Variants in NBEA observed in about 807,000 individuals in gnomAD.
NBEA encodes neurobeachin.
Under a neutral mutation model 343.4 loss-of-function variants are expected in NBEA, and 44 were observed. That is an observed-to-expected ratio of 0.13 (90% CI 0.10 to 0.16). The LOEUF (loss-of-function observed/expected upper bound fraction) is 0.16. NBEA is among the 10% of genes least tolerant of loss of function. The probability of loss-of-function intolerance (pLI) is 1.00; values close to 1 mark genes in which losing one functional copy is unlikely to be tolerated. For missense variants in NBEA, 2,555 were observed against 3,631.3 expected (o/e 0.70, Z 7.62); for synonymous variants, 1,175 against 1,238.7 (o/e 0.95, Z 1.08).
chr13:35,472,531 A>G lies in NBEA; in HGVS notation c.6580A>G (p.Thr2194Ala), dbSNP rs977204744. The G allele has an allele frequency of 3.1e-6, 5 of 1,613,920 alleles. No homozygotes were observed. Among genetic ancestry groups the G allele is most frequent in the African/African-American group, 1.3e-5 (1 of 74,924 alleles). Reference protein sequence around the residue: ...EDDSAFKKIDTKVLAYTEGLH... With the variant: ...EDDSAFKKIDAKVLAYTEGLH... Reference sequence around the variant, plus strand: ...TGATTCTGCCTTCAAGAAGATCGACACGAAAGTGAGTTAAAGCGATTCCAT... The same window carrying G: ...TGATTCTGCCTTCAAGAAGATCGACGCGAAAGTGAGTTAAAGCGATTCCAT... Residue 2194 changes from threonine to alanine, a missense_variant, in exon 41 of 59, where the codon ACG becomes GCG. Thr to Ala is a moderately conservative substitution (Grantham distance 58, BLOSUM62 0). Around this residue, in one of 21 missense-constraint regions of NBEA, gnomAD observed 246 missense variants for 313.7 expected, o/e 0.78. Transcript: ENST00000379939.
chr13:35,092,285 A>G (rs560858904), intron 10 of NBEA, among the ~76,000 whole-genome samples: 31 of 152,152 alleles, frequency 2.0e-4, no homozygotes, highest in African/African-American at 7.0e-4. Context: ...TGGGAAACGT[A>G]TAAGGAAATT....
intron 30 of NBEA, chr13:35,185,607 T>A (rs1027023730): frequency 6.6e-6 from 1 of 152,142 alleles, no homozygotes; most frequent in Non-Finnish European, 1.5e-5. Flanking sequence ...CTATGGGAAG[T>A]ATCCGGTTGT....
chr13:35,279,246 G>A (rs1387273127), intron 34 of NBEA, among the ~76,000 whole-genome samples: 2 of 152,282 alleles, frequency 1.3e-5, no homozygotes, highest in East Asian at 3.9e-4. Flanking sequence ...ACAGGATCAT[G>A]ATATGAAATG....
At chr13:35,177,937 A>G (rs1170546727) in intron 28 of NBEA, among the ~76,000 whole-genome samples, 1 of 151,762 alleles carries the variant, frequency 6.6e-6, no homozygotes, top group Non-Finnish European at 1.5e-5. Flanking sequence ...ACATAATGCT[A>G]TATGTTAGGA....
intron 55 of NBEA, among the ~76,000 whole-genome samples, chr13:35,657,382 G>T (rs1280838122): frequency 6.6e-6 from 1 of 152,198 alleles, no homozygotes; most frequent in Non-Finnish European, 1.5e-5. Flanking sequence ...AATGTTGCTT[G>T]ATTTCCAACC....
At chr13:35,082,534 A>G (rs1418526712) in intron 10 of NBEA, among the ~76,000 whole-genome samples, 15 of 152,230 alleles carry the variant, frequency 9.9e-5, no homozygotes. Flanking sequence ...AGTCCCACCA[A>G]CAGTGTAAAA....
At chr13:35,176,442 T>G (rs2070907805) in intron 27 of NBEA, among the ~76,000 whole-genome samples, 2 of 152,096 alleles carry the variant, frequency 1.3e-5, no homozygotes, top group South Asian at 4.1e-4. Flanking sequence ...TGTGACTACA[T>G]TACCTGAAAT....
intron 34 of NBEA, among the ~76,000 whole-genome samples, chr13:35,256,609 G>C (rs530305069): frequency 6.6e-6 from 1 of 152,124 alleles, no homozygotes; most frequent in South Asian, 2.1e-4. Context: ...GCCGAGGGGC[G>C]CCTGCAGGCT....
rs566854228 is a variant in NBEA at position 35,656,454 on chromosome 13, G to A, written c.8362+705G>A. Reference sequence around the variant, plus strand: ...AAATTTGTTGATGCTTGTTTAATCCGCAGCCTCTCAAACTTCTTTTTCCAA... The same window carrying A: ...AAATTTGTTGATGCTTGTTTAATCCACAGCCTCTCAAACTTCTTTTTCCAA... On this transcript the variant is annotated intron_variant, in intron 55 of 58. Transcript: ENST00000379939. Among the ~76,000 whole-genome samples, 9 of 152,214 alleles carry A rather than the reference G, an allele frequency of 5.9e-5. No individual in the cohort carries two copies. In the South Asian group the frequency reaches 1.0e-3, roughly 18 times the overall value.
At chr13:35,308,647 T>C (rs2037151805) in intron 35 of NBEA, among the ~76,000 whole-genome samples, 1 of 144,260 alleles carries the variant, frequency 6.9e-6, no homozygotes, top group Admixed American at 7.1e-5. Context: ...TATATATATG[T>C]ATTTAAAACC....
chr13:35,110,131 G>C (rs1452173096), intron 12 of NBEA, among the ~76,000 whole-genome samples: 5 of 138,398 alleles, frequency 3.6e-5, no homozygotes, highest in Non-Finnish European at 1.5e-5. Context: ...ATGTATACAT[G>C]TGCCATGCTG....
At position 35,298,187 on chromosome 13, in the gene NBEA, ATG is replaced by A. The variant is rs1216541038; in HGVS notation, c.5838+7761_5838+7762del. 2.1e-3 allele frequency among the ~76,000 whole-genome samples: 246 copies of A among 115,102 alleles called. 6 individuals carry two copies. The highest frequency in any genetic ancestry group is 3.9e-3 in the East Asian group (16 of 4,060). 75.5% of individuals were successfully genotyped at this position (115,102 alleles called of 152,430 possible). A position where few individuals can be genotyped will look rare whatever the true frequency, so the allele number is the denominator to read the frequency against. ...ATACATAGCCAGTGTGTGTGTGTGT[ATG>A]TGTGTGTGTGTGTGTGTGTGTGTAT... On this transcript the variant is annotated intron_variant, in intron 35 of 58. Coordinates refer to ENST00000379939, the MANE Select transcript of NBEA (RefSeq NM_001385012.1).
intron 38 of NBEA, among the ~76,000 whole-genome samples, chr13:35,365,927 A>G (rs1447661197): frequency 6.6e-6 from 1 of 151,574 alleles, no homozygotes; most frequent in Non-Finnish European, 1.5e-5. Context: ...ATTTTCTGAT[A>G]TTTGTGCTCA....
chr13:35,263,348 G>A (rs2033379464), intron 34 of NBEA, among the ~76,000 whole-genome samples: 1 of 152,150 alleles, frequency 6.6e-6, no homozygotes. Context: ...GACTTTATCA[G>A]CTGACTTTTA....
chr13:35,264,871 G>A (rs190957785), intron 34 of NBEA, among the ~76,000 whole-genome samples: 34 of 151,734 alleles, frequency 2.2e-4, no homozygotes, highest in Admixed American at 1.2e-3. Flanking sequence ...GTTCAACGTA[G>A]TAGAAGTCCT....
chr13:35,335,864 G>A (rs560766240), intron 36 of NBEA, among the ~76,000 whole-genome samples: 5 of 152,138 alleles, frequency 3.3e-5, no homozygotes, highest in South Asian at 4.2e-4. Flanking sequence ...AAGGCTATTC[G>A]CATGCCGGGG....
At chr13:35,373,890 G>A (rs2265504) in intron 38 of NBEA, among the ~76,000 whole-genome samples, 44,211 of 151,648 alleles carry the variant, frequency 0.29, 8,289 homozygotes, top group African/African-American at 0.54. Context: ...TTGCAGAGGT[G>A]GAAGAAAACC....
At chr13:35,649,072 C>G (rs2153078434) in intron 51 of NBEA, among the ~76,000 whole-genome samples, 1 of 152,222 alleles carries the variant, frequency 6.6e-6, no homozygotes, top group African/African-American at 2.4e-5. Context: ...TCCATAAGCT[C>G]CCAGCCTAGA....
intron 10 of NBEA, among the ~76,000 whole-genome samples, chr13:35,074,867 A>G (rs1055996760): frequency 2.0e-5 from 3 of 152,090 alleles, no homozygotes; most frequent in African/African-American, 7.2e-5. Context: ...ACAAAATATA[A>G]TTCTGTTACC....
Sources: allele counts gnomAD v4.1 joint callset (sites outside exome capture counted in the v4.1 genomes callset), GRCh38; gene constraint gnomAD v4.1.1; regional missense constraint gnomAD v4.1.1; transcripts MANE v1.5; gene names NCBI Gene and HGNC (gene_info 2026-07-23, HGNC 2026-07-21).